Variants in KHSRP observed in about 807,000 individuals in gnomAD.
KHSRP encodes KH-type splicing regulatory protein, also known as far upstream element-binding protein 2.
A neutral mutation model predicts 94.9 loss-of-function variants in KHSRP; 13 were observed. The ratio of observed to expected loss-of-function variants is 0.14; its 90% confidence interval spans 0.09 to 0.22. The LOEUF is 0.22. KHSRP is among the 10% of genes least tolerant of loss of function. The pLI is 1.00. For missense variants in KHSRP, 710 were observed against 1,010.0 expected (o/e 0.70, Z 4.03); for synonymous variants, 495 against 401.4 (o/e 1.23, Z -2.79).
rs560744059 is a variant in KHSRP at position 6,420,239 on chromosome 19, G to A, written c.476-95C>T. ...TGGCCGGGGCCCCAGCCCCTCTGAC[G>A]TTCAGGAGGGCAGCAGTCCTCTAGA... is the stretch of plus-strand genomic sequence containing the variant. On this transcript the variant is annotated intron_variant, in intron 5 of 18. Transcript: ENST00000600480. 65 of 1,217,692 alleles carry A rather than the reference G, an allele frequency of 5.3e-5. 1 individual carries two copies. Among genetic ancestry groups the A allele is most frequent in the South Asian group, 3.6e-4 (28 of 77,946 alleles). The allele number at this position is 1,217,692 out of a possible 1,614,324, so 75.4% of individuals were successfully genotyped here.
chr19:6,418,088 A>G lies in KHSRP; in HGVS notation c.880-9T>C. ...ACCATCTCACAGGCTTGCTGCAAAC[A>G]CACAGGAAGCAGCCCCCATGGGTGA... is the stretch of plus-strand genomic sequence containing the variant. On this transcript the variant is annotated splice_polypyrimidine_tract_variant and intron_variant, in intron 9 of 18. Transcript: ENST00000600480. This position sits in a 1 kb window ranked among gnomAD's most constrained non-coding sequence, Gnocchi z 4.3. The G allele has an allele frequency of 6.2e-7, 1 of 1,612,610 alleles. No homozygotes were observed.
rs1356469625 is a variant in KHSRP, at chr19:6,414,841, CCAG to C, written c.*180_*182del. 2 of 1,261,180 alleles carry C rather than the reference CCAG, an allele frequency of 1.6e-6. No homozygotes were observed. The highest frequency in any genetic ancestry group is 7.0e-5 in the East Asian group (2 of 28,532). The allele number at this position is 1,261,180 out of a possible 1,614,324, so 78.1% of individuals were successfully genotyped here. A position where few individuals can be genotyped will look rare whatever the true frequency, so the allele number is the denominator to read the frequency against. On this transcript the variant is annotated 3_prime_UTR_variant, in exon 19 of 19. Coordinates refer to ENST00000600480, the MANE Select transcript of KHSRP (RefSeq NM_001366299.1). ...CGCTGTCTGCCTGCCCCCCGACTCC[CCAG>C]CAGTTCAGAAGTCCCGCCTGCGAGT...
At position 6,421,322 on chromosome 19, in the gene KHSRP, A is replaced by G. The variant is rs374874596; in HGVS notation, c.386-5T>C. The G allele has an allele frequency of 5.5e-5, 88 of 1,586,664 alleles. No individual in the cohort carries two copies. The highest frequency in any genetic ancestry group is 7.1e-5 in the Non-Finnish European group (83 of 1,166,774). On this transcript the variant is annotated splice_polypyrimidine_tract_variant and splice_region_variant and intron_variant, in intron 3 of 18. Transcript: ENST00000600480. The stretch of plus-strand genomic sequence containing the variant: ...GTCCAAGTTGAGAACTGATTGCTGT[A>G]GAGAGAAAACCCAAAGCAAAGACTG...
Position 6,416,670 on chromosome 19 carries a change from G to T in KHSRP, c.1328-20C>A. 1.2e-6 allele frequency: 2 copies of T among 1,613,820 alleles called. No homozygotes were observed. Among genetic ancestry groups the T allele is most frequent in the Non-Finnish European group, 1.7e-6 (2 of 1,179,770 alleles). On this transcript the variant is annotated intron_variant, in intron 13 of 18. Coordinates refer to ENST00000600480, the MANE Select transcript of KHSRP (RefSeq NM_001366299.1). Reference sequence around the variant, plus strand: ...CGCCACCTGCAGAAACGCAGAAGGTGAAGGTGGCCTGCAGTGATGGCCCAG... The same window carrying T: ...CGCCACCTGCAGAAACGCAGAAGGTTAAGGTGGCCTGCAGTGATGGCCCAG...
In KHSRP at chr19:6,415,014, G is replaced by A. The variant is rs531136342; in HGVS notation, c.*10C>T. 5.5e-4 allele frequency: 809 copies of A among 1,468,704 alleles called. 14 individuals carry two copies. In the South Asian group the frequency reaches 9.1e-3, roughly 17 times the overall value. 91.0% of individuals were successfully genotyped at this position (1,468,704 alleles called of 1,614,324 possible). ...GGAGACCTCCGGCCACACGGCCCCC[G>A]CTGCAGGCATCAAGGGCACACCCCG... is the stretch of plus-strand genomic sequence containing the variant. On this transcript the variant is annotated 3_prime_UTR_variant, in exon 19 of 19. Transcript: ENST00000600480.
At chr19:6,417,695 G>A (rs376976625) in intron 11 of KHSRP, 44 bp downstream of exon 11, 36 of 1,542,226 alleles carry the variant, frequency 2.3e-5, no homozygotes, top group Non-Finnish European at 3.0e-5. Flanking sequence ...TCCCAAAGAG[G>A]GTGGGGGTGC....
chr19:6,424,426 C>A, intron 1 of KHSRP, 27 bp downstream of exon 1: 1 of 987,350 alleles, frequency 1.0e-6, no homozygotes. Flanking sequence ...CGCGCGAGCG[C>A]GCCCCTCAGG....
In KHSRP at chr19:6,420,485, C is replaced by A; in HGVS notation, c.426-14G>T. On this transcript the variant is annotated splice_polypyrimidine_tract_variant and intron_variant, in intron 4 of 18. Coordinates refer to ENST00000600480, the MANE Select transcript of KHSRP (RefSeq NM_001366299.1). ...GTCATTGAAGTCCTGTAAAGAGACA[C>A]GCCAAAGGTCAGTCCTCAAGTGGGA... 1 of 1,613,614 alleles carries A rather than the reference C, an allele frequency of 6.2e-7. No homozygotes were observed. Among genetic ancestry groups the A allele is most frequent in the Non-Finnish European group, 8.5e-7 (1 of 1,179,614 alleles).
Position 6,413,686 on chromosome 19 carries a change from G to A in KHSRP, c.*1338C>T, listed in dbSNP as rs766149298. The A allele has an allele frequency of 5.8e-4, 93 of 160,090 alleles. No individual in the cohort carries two copies. Among genetic ancestry groups the A allele is most frequent in the Non-Finnish European group, 1.1e-3 (77 of 72,426 alleles). 9.9% of individuals were successfully genotyped at this position (160,090 alleles called of 1,614,324 possible). ...AGTTTATTTTAAAAACAAGAGGGCC[G>A]AGGGTGGGAGAAAATGAATTGCTTT... On this transcript the variant is annotated 3_prime_UTR_variant, in exon 19 of 19. Transcript: ENST00000600480.
rs764785699 is a variant in KHSRP, at chr19:6,418,898, G to A, written c.606-22C>T. On this transcript the variant is annotated intron_variant, in intron 7 of 18. Coordinates refer to ENST00000600480, the MANE Select transcript of KHSRP (RefSeq NM_001366299.1). This position sits in a 1 kb window ranked among gnomAD's most constrained non-coding sequence, Gnocchi z 4.3. ...TTTCCTGGGAAGGGGAGGAGCGGGGGATGAGCGGGTGCCACCGCTGGAGAA... is the reference window on the plus strand; with the variant it reads ...TTTCCTGGGAAGGGGAGGAGCGGGGAATGAGCGGGTGCCACCGCTGGAGAA... The A allele has an allele frequency of 1.3e-6, 2 of 1,528,408 alleles. No individual in the cohort carries two copies. The highest frequency in any genetic ancestry group is 1.7e-6 in the Non-Finnish European group (2 of 1,144,656). 94.7% of individuals were successfully genotyped at this position (1,528,408 alleles called of 1,614,324 possible).
Position 6,414,298 on chromosome 19 carries a change from G to C in KHSRP, c.*726C>G, listed in dbSNP as rs906700185. 2.1e-5 allele frequency: 29 copies of C among 1,391,584 alleles called. No individual in the cohort carries two copies. Among genetic ancestry groups the C allele is most frequent in the Non-Finnish European group, 2.5e-5 (27 of 1,065,634 alleles). 86.2% of individuals were successfully genotyped at this position (1,391,584 alleles called of 1,614,324 possible). On this transcript the variant is annotated 3_prime_UTR_variant, in exon 19 of 19. Coordinates refer to ENST00000600480, the MANE Select transcript of KHSRP (RefSeq NM_001366299.1). The stretch of plus-strand genomic sequence containing the variant: ...TTAACTGTCTAGCCAGGTGCTCGCG[G>C]GACTCGCTGAAGTCACGCTGCTCCC...
Position 6,415,602 on chromosome 19 carries a change from G to A in KHSRP, c.1820C>T (p.Pro607Leu). The A allele has an allele frequency of 6.6e-7, 1 of 1,516,642 alleles. No individual in the cohort carries two copies. The highest frequency in any genetic ancestry group is 1.9e-4 in the Middle Eastern group (1 of 5,268). The allele number at this position is 1,516,642 out of a possible 1,614,324, so 93.9% of individuals were successfully genotyped here. ...APAAPPAQGE[P>L]PQPPPTGQSD... Reference sequence around the variant, plus strand: ...CTGGCCGGTGGGTGGGGGCTGAGGGGGCTCACCCTGAGCCGGTGGGGCCGC... The same window carrying A: ...CTGGCCGGTGGGTGGGGGCTGAGGGAGCTCACCCTGAGCCGGTGGGGCCGC... Residue 607 changes from proline (P) to leucine (L), a missense_variant, in exon 17 of 19, where the codon CCC becomes CTC. Physicochemically the swap from Pro to Leu is moderately conservative, Grantham distance 98. Coordinates refer to ENST00000600480, the MANE Select transcript of KHSRP (RefSeq NM_001366299.1).
Position 6,413,639 on chromosome 19 carries a change from ACTTT to A in KHSRP, c.*1381_*1384del, listed in dbSNP as rs2092117056. On this transcript the variant is annotated 3_prime_UTR_variant, in exon 19 of 19. Transcript: ENST00000600480. ...CTAAAAAAAAGAAATAGCAAGAGTG[ACTTT>A]TTTTTTTCCTTTTTAAAAGTTTATT... 6.1e-6 allele frequency: 1 copy of A among 163,678 alleles called. No homozygotes were observed. The highest frequency in any genetic ancestry group is 1.4e-5 in the Non-Finnish European group (1 of 73,766). 10.1% of individuals were successfully genotyped at this position (163,678 alleles called of 1,614,324 possible).
chr19:6,424,337 C>G, intron 1 of KHSRP, 116 bp downstream of exon 1: 1 of 334,900 alleles, frequency 3.0e-6, no homozygotes, highest in South Asian at 1.2e-4. Context: ...CACGTGACCC[C>G]GCGACGGCCC....
In KHSRP at chr19:6,414,357, GA is replaced by G. The variant is rs2092125320; in HGVS notation, c.*666del. The stretch of plus-strand genomic sequence containing the variant: ...AAGGAGGGACAGAGCAGGAAGAGAG[GA>G]GAGGGGCCGCGGAGGGCGGAGGCGC... On this transcript the variant is annotated 3_prime_UTR_variant, in exon 19 of 19. Coordinates refer to ENST00000600480, the MANE Select transcript of KHSRP (RefSeq NM_001366299.1). 1.5e-6 allele frequency: 2 copies of G among 1,370,000 alleles called. No homozygotes were observed. Among genetic ancestry groups the G allele is most frequent in the Non-Finnish European group, 1.9e-6 (2 of 1,057,842 alleles). The allele number at this position is 1,370,000 out of a possible 1,614,324, so 84.9% of individuals were successfully genotyped here.
chr19:6,420,261 T>C, intron 5 of KHSRP, 117 bp from the exon 6 acceptor site: 3 of 1,144,992 alleles, frequency 2.6e-6, no homozygotes, highest in Non-Finnish European at 3.9e-6. Flanking sequence ...AGCAGTCCTC[T>C]AGAGAGCTCC....
intron 4 of KHSRP, chr19:6,421,058 G>A (rs1599244019): frequency 1.7e-6 from 1 of 583,466 alleles, no homozygotes; most frequent in South Asian, 2.1e-5. Flanking sequence ...TATCACTACA[G>A]TGACTGCCAC....
In KHSRP at chr19:6,413,648, T is replaced by C. The variant is rs2092117146; in HGVS notation, c.*1376A>G. 6.0e-6 allele frequency: 1 copy of C among 165,696 alleles called. No individual in the cohort carries two copies. Among genetic ancestry groups the C allele is most frequent in the Non-Finnish European group, 1.3e-5 (1 of 74,744 alleles). The allele number at this position is 165,696 out of a possible 1,614,324, so 10.3% of individuals were successfully genotyped here. A position where few individuals can be genotyped will look rare whatever the true frequency, so the allele number is the denominator to read the frequency against. On this transcript the variant is annotated 3_prime_UTR_variant, in exon 19 of 19. Coordinates refer to ENST00000600480, the MANE Select transcript of KHSRP (RefSeq NM_001366299.1). ...AGAAATAGCAAGAGTGACTTTTTTT[T>C]TTCCTTTTTAAAAGTTTATTTTAAA...
At position 6,424,685 on chromosome 19, in the gene KHSRP, G is replaced by A; in HGVS notation, c.17C>T (p.Thr6Met). Residue 6 changes from threonine to methionine, a missense_variant, in exon 1 of 19, where the codon ACG becomes ATG. Transcript: ENST00000600480. Reference protein sequence around the residue: MSDYSTGGPPPGPPPP... With the variant: MSDYSMGGPPPGPPPP... ...CGGCGGCCCGGGCGGGGGTCCTCCC[G>A]TGCTGTAGTCCGACATGGCGCGGCG... is the stretch of plus-strand genomic sequence containing the variant. 4 of 1,029,470 alleles carry A rather than the reference G, an allele frequency of 3.9e-6. No homozygotes were observed. In the South Asian group the frequency reaches 1.8e-4, roughly 46 times the overall value. 63.8% of individuals were successfully genotyped at this position (1,029,470 alleles called of 1,614,324 possible). A position where few individuals can be genotyped will look rare whatever the true frequency, so the allele number is the denominator to read the frequency against.
Sources: allele counts gnomAD v4.1 joint callset, GRCh38; gene constraint gnomAD v4.1.1; non-coding constraint Gnocchi (gnomAD v3.1); transcripts MANE v1.5; gene names NCBI Gene and HGNC (gene_info 2026-07-23, HGNC 2026-07-21).